The following LUC7L3 variants were observed in gnomAD, a reference collection of about 807,000 sequenced individuals.
The protein encoded by LUC7L3 is luc7-like protein 3.
LUC7L3 carries 6 observed loss-of-function variants against 66.8 expected under a neutral mutation model. The observed-to-expected ratio is 0.09, with a 90% CI of 0.05 to 0.18. The LOEUF is 0.18. Ranked by LOEUF, LUC7L3 falls within the 10% of genes least tolerant of loss-of-function variation. The pLI is 1.00. For missense variants in LUC7L3, 341 were observed against 531.1 expected (o/e 0.64, Z 3.52); for synonymous variants, 160 against 174.7 (o/e 0.92, Z 0.66).
chr17:50,740,978 C>T, intron 3 of LUC7L3, 124 bp from the exon 4 acceptor site: 1 of 923,924 alleles, frequency 1.1e-6, no homozygotes, highest in South Asian at 1.5e-5. Flanking sequence ...AAAGTCACTT[C>T]AAATACACCT....
Position 50,741,747 on chromosome 17 carries a change from A to C in LUC7L3, c.426+16A>C. ...TCTGCAACAGGTGAGAATTGTGTGC[A>C]TTAATGTCAGGAAGTAATGTGAAAC... On this transcript the variant is annotated intron_variant, in intron 5 of 9. Transcript: ENST00000505658. 1.3e-6 allele frequency: 2 copies of C among 1,595,474 alleles called. No homozygotes were observed. Among genetic ancestry groups the C allele is most frequent in the Non-Finnish European group, 1.7e-6 (2 of 1,163,842 alleles).
At chr17:50,735,915 T>C (rs1969955815) in intron 1 of LUC7L3, among the ~76,000 whole-genome samples, 1 of 152,184 alleles carries the variant, frequency 6.6e-6, no homozygotes, top group Non-Finnish European at 1.5e-5. Context: ...GGCAAATCAC[T>C]TGAGGTCAGG....
At position 50,745,979 on chromosome 17, in the gene LUC7L3, G is replaced by A; in HGVS notation, c.953G>A (p.Arg318Gln). ...AGGTCTCGGGACCACAAAAGGTCAC[G>A]AAGTAGAGAAAGAAGGCGGAGCAGG... is the stretch of plus-strand genomic sequence containing the variant. ...CSRSRDHKRSRSRERRRSRSR... is the reference protein window; with the variant it reads ...CSRSRDHKRSQSRERRRSRSR... Residue 318 changes from arginine to glutamine, a missense_variant, in exon 8 of 10, where the codon CGA becomes CAA. This residue lies in a region of LUC7L3 where 210 missense variants were observed against 238.1 expected (regional missense o/e 0.88). Coordinates refer to ENST00000505658, the MANE Select transcript of LUC7L3 (RefSeq NM_016424.5). 4 of 1,602,000 alleles carry A rather than the reference G, an allele frequency of 2.5e-6. No individual in the cohort carries two copies. The highest frequency in any genetic ancestry group is 3.4e-6 in the Non-Finnish European group (4 of 1,177,044).
intron 1 of LUC7L3, among the ~76,000 whole-genome samples, chr17:50,733,237 A>G (rs1969740211): frequency 6.7e-6 from 1 of 149,652 alleles, no homozygotes; most frequent in African/African-American, 2.5e-5. Flanking sequence ...TCACAGTAAT[A>G]GTAAAACTTT....
At position 50,754,303 on chromosome 17, in the gene LUC7L3, T is replaced by G. The variant is rs1212338021; in HGVS notation, c.*3642T>G. On this transcript the variant is annotated 3_prime_UTR_variant, in exon 10 of 10. Coordinates refer to ENST00000505658, the MANE Select transcript of LUC7L3 (RefSeq NM_016424.5). The stretch of plus-strand genomic sequence containing the variant: ...CAAAAGAGGAACAATATAATTAACC[T>G]CTGTTAACTCATCACCAACAAGACT... 1 of 152,146 alleles carries G rather than the reference T, an allele frequency of 6.6e-6. No homozygotes were observed. Among genetic ancestry groups the G allele is most frequent in the Non-Finnish European group, 1.5e-5 (1 of 68,032 alleles). The allele number at this position is 152,146 out of a possible 1,614,324, so 9.4% of individuals were successfully genotyped here.
chr17:50,751,758 G>GT lies in LUC7L3; in HGVS notation c.*1098dup, dbSNP rs1223536111. ...TGGCTGATACATTTAAAGCAGCAGT[G>GT]TGAATAGCAAGGACAGACACCTTCA... On this transcript the variant is annotated 3_prime_UTR_variant, in exon 10 of 10. Transcript: ENST00000505658. 7.8e-6 allele frequency: 8 copies of GT among 1,027,856 alleles called. No individual in the cohort carries two copies. Among genetic ancestry groups the GT allele is most frequent in the Middle Eastern group, 4.8e-4 (1 of 2,088 alleles). 63.7% of individuals were successfully genotyped at this position (1,027,856 alleles called of 1,614,324 possible).
intron 1 of LUC7L3, among the ~76,000 whole-genome samples, chr17:50,730,676 C>T (rs775040178): frequency 1.6e-4 from 25 of 151,994 alleles, no homozygotes; most frequent in Non-Finnish European, 3.7e-4. Flanking sequence ...TGCTGTGGCT[C>T]ATGCCTGTAA....
intron 3 of LUC7L3, 125 bp downstream of exon 3, chr17:50,740,470 G>T: frequency 1.2e-6 from 1 of 849,534 alleles, no homozygotes. Context: ...TCAGTGGCTG[G>T]GGATAGTAAG....
rs1206635961 is a variant in LUC7L3 at position 50,753,068 on chromosome 17, T to C, written c.*2407T>C. ...ACCCAGCTGTGTCAGTTTATAAATG[T>C]ATTTGTGTATAGGGTGTGTAGTATA... is the stretch of plus-strand genomic sequence containing the variant. On this transcript the variant is annotated 3_prime_UTR_variant, in exon 10 of 10. Transcript: ENST00000505658. 1 of 152,198 alleles carries C rather than the reference T, an allele frequency of 6.6e-6. No individual in the cohort carries two copies. 9.4% of individuals were successfully genotyped at this position (152,198 alleles called of 1,614,324 possible). A position where few individuals can be genotyped will look rare whatever the true frequency, so the allele number is the denominator to read the frequency against.
intron 1 of LUC7L3, among the ~76,000 whole-genome samples, chr17:50,734,216 A>G (rs1024537056): frequency 2.0e-4 from 30 of 150,244 alleles, no homozygotes; most frequent in African/African-American, 6.1e-4. Context: ...TGCCCAGGCT[A>G]GAGTGCAATG....
intron 1 of LUC7L3, among the ~76,000 whole-genome samples, chr17:50,733,846 A>T (rs1358744396): frequency 1.3e-5 from 2 of 152,222 alleles, no homozygotes; most frequent in Non-Finnish European, 2.9e-5. Context: ...GAGTCTTCAA[A>T]ACAGGGTTAA....
At chr17:50,743,543 T>G (rs1970483193) in intron 5 of LUC7L3, 163 bp from the exon 6 acceptor site, 2 of 565,912 alleles carry the variant, frequency 3.5e-6, no homozygotes, top group South Asian at 4.3e-5. Context: ...TTATACTTTA[T>G]TGAAGTATAA....
chr17:50,751,066 A>G lies in LUC7L3; in HGVS notation c.*405A>G. 1.4e-6 allele frequency: 2 copies of G among 1,438,532 alleles called. No individual in the cohort carries two copies. The highest frequency in any genetic ancestry group is 1.5e-5 in the South Asian group (1 of 65,934). 89.1% of individuals were successfully genotyped at this position (1,438,532 alleles called of 1,614,324 possible). ...GGTATTAAGTCCATCTTGTGTTGGT[A>G]CATTGGCAGAGACATATGCTTTAAA... On this transcript the variant is annotated 3_prime_UTR_variant, in exon 10 of 10. Coordinates refer to ENST00000505658, the MANE Select transcript of LUC7L3 (RefSeq NM_016424.5).
chr17:50,745,658 G>C, intron 7 of LUC7L3, 62 bp from the exon 8 acceptor site: 1 of 1,333,960 alleles, frequency 7.5e-7, no homozygotes, highest in African/African-American at 1.5e-5. Context: ...CACATTAGTT[G>C]ACCATTGTTT....
At chr17:50,727,469 G>C (rs1257728061) in intron 1 of LUC7L3, among the ~76,000 whole-genome samples, 2 of 152,132 alleles carry the variant, frequency 1.3e-5, no homozygotes, top group Non-Finnish European at 2.9e-5. Flanking sequence ...ACTCCCACAA[G>C]AATGTTTTTT....
At chr17:50,737,368 C>T (rs762586384) in intron 2 of LUC7L3, 9 of 469,774 alleles carry the variant, frequency 1.9e-5, no homozygotes, top group Admixed American at 9.3e-5. Context: ...TAGCAGCAAA[C>T]GCAACAGAGC....
intron 6 of LUC7L3, 126 bp downstream of exon 6, chr17:50,743,936 G>A (rs1970507382): frequency 4.4e-6 from 3 of 688,012 alleles, no homozygotes. Flanking sequence ...TAGCCCACAA[G>A]GTCTGTGGCA....
intron 1 of LUC7L3, among the ~76,000 whole-genome samples, chr17:50,731,516 C>T (rs1969603781): frequency 6.6e-6 from 1 of 152,152 alleles, no homozygotes; most frequent in African/African-American, 2.4e-5. Context: ...ATTTGAAGAA[C>T]CCAAATATGT....
chr17:50,734,316 C>T (rs568348726), intron 1 of LUC7L3, among the ~76,000 whole-genome samples: 16 of 152,110 alleles, frequency 1.1e-4, no homozygotes, highest in Admixed American at 3.3e-4. Flanking sequence ...TATAGGCATG[C>T]GCCACCATGC....
Sources: allele counts gnomAD v4.1 joint callset (sites outside exome capture counted in the v4.1 genomes callset), GRCh38; gene constraint gnomAD v4.1.1; regional missense constraint gnomAD v4.1.1; transcripts MANE v1.5; gene names NCBI Gene and HGNC (gene_info 2026-07-23, HGNC 2026-07-21).